UNC13C: variants seen among roughly 807,000 people sequenced by gnomAD.
UNC13C encodes the protein protein unc-13 homolog C.
UNC13C carries 174 observed loss-of-function variants against 245.4 expected under a neutral mutation model. The observed-to-expected ratio is 0.71, with a 90% CI of 0.63 to 0.80. UNC13C has a LOEUF of 0.80. Among genes scored for constraint, UNC13C ranks in the 30% least tolerant of loss-of-function variants. UNC13C has a pLI of 0.00. For synonymous variants in UNC13C, 992 were observed against 895.1 expected, an observed-to-expected ratio of 1.11 and a Z score of -1.93; for missense variants, 2,829 against 2,602.9, an observed-to-expected ratio of 1.09 and a Z score of -1.89.
chr15:54,447,946 T>A (rs562993895), intron 19 of UNC13C, among the ~76,000 whole-genome samples: 3 of 152,342 alleles, frequency 2.0e-5, no homozygotes, highest in East Asian at 3.9e-4. Context: ...CTGCTTTATA[T>A]GTGTCCCAGA....
chr15:54,297,522 A>T (rs1411427908), intron 11 of UNC13C, among the ~76,000 whole-genome samples: 3 of 103,468 alleles, frequency 2.9e-5, no homozygotes, highest in East Asian at 2.8e-4. Context: ...CTGCCTAATT[A>T]AAAAAAAAAA....
intron 4 of UNC13C, among the ~76,000 whole-genome samples, chr15:54,215,058 C>T (rs949407751): frequency 1.3e-5 from 2 of 151,818 alleles, no homozygotes; most frequent in Admixed American, 6.6e-5. Context: ...GTACACAGAA[C>T]ATTATGGAGG....
At chr15:54,610,050 C>T (rs968993486) in intron 30 of UNC13C, among the ~76,000 whole-genome samples, 30 of 152,020 alleles carry the variant, frequency 2.0e-4, no homozygotes, top group African/African-American at 6.5e-4. Context: ...TTATGGGAAC[C>T]GCAATTCAAG....
At chr15:54,030,160 C>T (rs984006678) in intron 2 of UNC13C, among the ~76,000 whole-genome samples, 1 of 152,122 alleles carries the variant, frequency 6.6e-6, no homozygotes, top group African/African-American at 2.4e-5. Flanking sequence ...TTCCTGCTTC[C>T]AGGGACCACC....
chr15:54,047,112 T>C (rs1897071964), intron 2 of UNC13C, among the ~76,000 whole-genome samples: 1 of 152,102 alleles, frequency 6.6e-6, no homozygotes, highest in Admixed American at 6.6e-5. Context: ...GACAGATGAT[T>C]AAGACTAGTC....
intron 1 of UNC13C, among the ~76,000 whole-genome samples, chr15:53,995,272 A>T (rs1045642548): frequency 3.9e-5 from 6 of 152,132 alleles, no homozygotes; most frequent in African/African-American, 1.4e-4. Context: ...AGGGGCCAGT[A>T]AAGGACTTTG....
rs568793039 is a variant in UNC13C at position 54,544,375 on chromosome 15, G to A, written c.5697-2347G>A. ...GGCAAAAGCTGGAAGCATTCCCTTC[G>A]AAAACCAGCACAAGACAAGGATGCC... On this transcript the variant is annotated intron_variant, in intron 26 of 32. Coordinates refer to ENST00000260323, the MANE Select transcript of UNC13C (RefSeq NM_001080534.3). Among the ~76,000 whole-genome samples the A allele has an allele frequency of 3.9e-3, 587 of 152,222 alleles. 3 individuals carry two copies. The highest frequency in any genetic ancestry group is 0.013 in the African/African-American group (545 of 41,532).
intron 10 of UNC13C, among the ~76,000 whole-genome samples, chr15:54,292,121 G>C (rs2037313895): frequency 6.6e-6 from 1 of 151,992 alleles, no homozygotes; most frequent in African/African-American, 2.4e-5. Flanking sequence ...GGAAGCCTTG[G>C]TGAAGTTCTT....
At chr15:53,963,505 T>C in the UNC13C span, among the ~76,000 whole-genome samples, 1 of 152,198 alleles carries the variant, frequency 6.6e-6, no homozygotes, top group Non-Finnish European at 1.5e-5. Flanking sequence ...CATTGTGTTG[T>C]TGAGATACCC....
rs748393377 is a variant in UNC13C at position 54,013,835 on chromosome 15, A to G, written c.932A>G (p.His311Arg). The G allele has an allele frequency of 1.9e-6, 3 of 1,613,260 alleles. No homozygotes were observed. Among genetic ancestry groups the G allele is most frequent in the Non-Finnish European group, 2.5e-6 (3 of 1,179,600 alleles). Residue 311 changes from histidine (H) to arginine (R), a missense_variant, in exon 2 of 33, where the codon CAC (histidine) becomes CGC (arginine). By Grantham distance (29) the His-to-Arg change is conservative (BLOSUM62 0). Coordinates refer to ENST00000260323, the MANE Select transcript of UNC13C (RefSeq NM_001080534.3). ...ETRDIHDYIK[H>R]LGHMGSKASL... The stretch of plus-strand genomic sequence containing the variant: ...AGAGACATCCATGATTATATTAAGC[A>G]CTTAGGTCATATGGGTAGCAAGGCA...
rs78465695 is a variant in UNC13C, at chr15:54,180,433, G to A, written c.3071+36749G>A. ...TGGGCACCTAGGCTGATTCCATGTT[G>A]TTGATATTGTGAATAGTGTGATGAA... On this transcript the variant is annotated intron_variant, in intron 4 of 32. Transcript: ENST00000260323. Among the ~76,000 whole-genome samples the A allele has an allele frequency of 6.0e-3, 914 of 152,044 alleles. 51 individuals are homozygous for A. The East Asian group carries it at 0.11, about 18-fold the overall frequency.
intron 2 of UNC13C, among the ~76,000 whole-genome samples, chr15:54,114,524 C>T (rs1481433703): frequency 6.6e-6 from 1 of 152,076 alleles, no homozygotes; most frequent in Non-Finnish European, 1.5e-5. Context: ...ACATGGATGC[C>T]TATCAGTCTA....
chr15:54,339,023 T>A (rs957240419), intron 17 of UNC13C, among the ~76,000 whole-genome samples: 3 of 152,042 alleles, frequency 2.0e-5, no homozygotes, highest in African/African-American at 7.2e-5. Context: ...TGAGCCAGCA[T>A]TCCCAGCTAA....
intron 24 of UNC13C, among the ~76,000 whole-genome samples, chr15:54,512,780 C>T (rs899478878): frequency 1.3e-5 from 2 of 152,040 alleles, no homozygotes; most frequent in Non-Finnish European, 2.9e-5. Context: ...AAGTAAATAT[C>T]CCTTTTATTT....
intron 2 of UNC13C, among the ~76,000 whole-genome samples, chr15:54,120,121 A>G (rs1475558919): frequency 2.0e-5 from 3 of 152,240 alleles, no homozygotes; most frequent in South Asian, 2.1e-4. Context: ...GATTTTCAAT[A>G]TAGACAAAAC....
the UNC13C span, among the ~76,000 whole-genome samples, chr15:53,922,850 T>C: frequency 1.3e-5 from 2 of 152,202 alleles, no homozygotes; most frequent in Non-Finnish European, 2.9e-5. Context: ...AAAAGTTGGA[T>C]TGAACTAGGC....
chr15:54,172,737 T>TATAA lies in UNC13C; in HGVS notation c.3071+29056_3071+29057insAATA, dbSNP rs1567067137. On this transcript the variant is annotated intron_variant, in intron 4 of 32. Transcript: ENST00000260323. ...ATATATATATATATATATATATATA[T>TATAA]ATATATATATATATATATATATATC... 9.6e-4 allele frequency among the ~76,000 whole-genome samples: 100 copies of TATAA among 103,666 alleles called. 2 individuals carry two copies. The highest frequency in any genetic ancestry group is 1.7e-3 in the South Asian group (5 of 3,008). 68.0% of individuals were successfully genotyped at this position (103,666 alleles called of 152,430 possible).
chr15:53,886,025 T>C, the UNC13C span, among the ~76,000 whole-genome samples: 1 of 152,196 alleles, frequency 6.6e-6, no homozygotes, highest in African/African-American at 2.4e-5. Flanking sequence ...AATTTACAGA[T>C]AACGAAGAGG....
At chr15:54,192,304 A>G (rs1029641791) in intron 4 of UNC13C, among the ~76,000 whole-genome samples, 3 of 152,108 alleles carry the variant, frequency 2.0e-5, no homozygotes. Flanking sequence ...ACTATCATGT[A>G]TTAGTTTCCT....
Sources: gnomAD v4.1 joint callset for allele counts (sites outside exome capture counted in the v4.1 genomes callset) on GRCh38, gnomAD v4.1.1 for gene constraint, MANE v1.5 for transcripts, NCBI Gene and HGNC (gene_info 2026-07-23, HGNC 2026-07-21) for gene names.